Variants in HIBCH observed in about 807,000 individuals in gnomAD.
The protein encoded by HIBCH is 3-hydroxyisobutyryl-CoA hydrolase, mitochondrial.
A neutral mutation model predicts 58.2 loss-of-function variants in HIBCH; 50 were observed. The observed-to-expected ratio is 0.86, with a 90% CI of 0.68 to 1.09. The LOEUF is 1.09. Among genes scored for constraint, HIBCH ranks in the 50% least tolerant of loss-of-function variants. The pLI, the probability that HIBCH is intolerant of heterozygous loss-of-function variation, is 0.00. For missense variants in HIBCH, 450 were observed against 449.7 expected (o/e 1.00, Z -0.01); for synonymous variants, 151 against 146.9 (o/e 1.03, Z -0.20).
intron 10 of HIBCH, 83 bp from the exon 11 acceptor site, chr2:190,245,051 C>G: frequency 1.1e-6 from 1 of 872,814 alleles, no homozygotes; most frequent in South Asian, 1.3e-5. Context: ...CATAGGCTTT[C>G]CCCCACCTCT....
intron 11 of HIBCH, among the ~76,000 whole-genome samples, chr2:190,229,313 C>A (rs1413334795): frequency 1.3e-5 from 2 of 152,072 alleles, no homozygotes; most frequent in Admixed American, 1.3e-4. Context: ...GGATTAAGAG[C>A]CTAATTAAAG....
At chr2:190,233,351 G>A (rs560350363) in intron 11 of HIBCH, among the ~76,000 whole-genome samples, 32 of 152,236 alleles carry the variant, frequency 2.1e-4, no homozygotes, top group Non-Finnish European at 4.0e-4. Flanking sequence ...AAATTCCCAC[G>A]TGTTGTGAGA....
chr2:190,250,249 A>G (rs942039156), intron 8 of HIBCH: 30 of 364,926 alleles, frequency 8.2e-5, no homozygotes, highest in Non-Finnish European at 1.6e-4. Context: ...CCTTTTCCTG[A>G]TAATACTCAC....
intron 11 of HIBCH, among the ~76,000 whole-genome samples, chr2:190,230,283 AAGAG>A (rs1325316942): frequency 2.0e-5 from 3 of 152,174 alleles, no homozygotes; most frequent in Non-Finnish European, 2.9e-5. Flanking sequence ...TGGTGGGTGG[AAGAG>A]AGAGAGAAAA....
chr2:190,265,271 G>T (rs531812153), intron 6 of HIBCH, among the ~76,000 whole-genome samples: 1 of 151,958 alleles, frequency 6.6e-6, no homozygotes, highest in South Asian at 2.1e-4. Context: ...CACTTCAAGA[G>T]GTCTTTCACA....
chr2:190,278,970 G>A (rs1687634322), intron 6 of HIBCH, among the ~76,000 whole-genome samples: 1 of 152,194 alleles, frequency 6.6e-6, no homozygotes, highest in Non-Finnish European at 1.5e-5. Flanking sequence ...TTCTGTTGCT[G>A]TAACTGAGTA....
At chr2:190,192,716 G>A (rs1689775354) in intron 1 of HIBCH, among the ~76,000 whole-genome samples, 1 of 151,998 alleles carries the variant, frequency 6.6e-6, no homozygotes, top group Non-Finnish European at 1.5e-5. Flanking sequence ...CACGTACAAC[G>A]TACACAATAC....
In HIBCH at chr2:190,215,867, A is replaced by C. The variant is rs1264692230; in HGVS notation, c.892-2792T>G. ...GGGAAGGCAGTGTAAGACACTGTGC[A>C]GGTGTGCTGGTGCCCAGAGAAAAAG... On this transcript the variant is annotated intron_variant, in intron 11 of 13. Transcript: ENST00000359678. This position sits in a 1 kb window ranked among gnomAD's most constrained non-coding sequence, Gnocchi z 4.4. 6.6e-6 allele frequency: 1 copy of C among 152,642 alleles called. No individual in the cohort carries two copies. Among genetic ancestry groups the C allele is most frequent in the Non-Finnish European group, 1.5e-5 (1 of 68,414 alleles). 9.5% of individuals were successfully genotyped at this position (152,642 alleles called of 1,614,324 possible).
chr2:190,299,068 CT>C (rs1688189811), intron 2 of HIBCH, among the ~76,000 whole-genome samples: 1 of 152,108 alleles, frequency 6.6e-6, no homozygotes, highest in African/African-American at 2.4e-5. Context: ...TAACACATTC[CT>C]TTATGTAAAG....
chr2:190,284,679 A>C (rs1687787549), intron 6 of HIBCH, among the ~76,000 whole-genome samples: 1 of 152,230 alleles, frequency 6.6e-6, no homozygotes, highest in Non-Finnish European at 1.5e-5. Flanking sequence ...AAATCTGAAG[A>C]AATCTGTATA....
intron 7 of HIBCH, among the ~76,000 whole-genome samples, chr2:190,256,076 T>C (rs1275560021): frequency 6.6e-6 from 1 of 152,010 alleles, no homozygotes; most frequent in Non-Finnish European, 1.5e-5. Context: ...TATAAAACCA[T>C]CAGCTCTTGT....
intron 8 of HIBCH, 58 bp downstream of exon 8, chr2:190,252,104 A>C: frequency 1.3e-6 from 2 of 1,529,424 alleles, no homozygotes; most frequent in South Asian, 1.1e-5. Context: ...GTACCTTCCC[A>C]TGCACTATTT....
chr2:190,255,382 A>T (rs756611748), intron 7 of HIBCH, among the ~76,000 whole-genome samples: 4 of 151,936 alleles, frequency 2.6e-5, no homozygotes, highest in Non-Finnish European at 5.9e-5. Context: ...CATGTAGCTG[A>T]CTCTTGCTAT....
In HIBCH at chr2:190,196,536, T is replaced by TC. The variant is rs397873701; in HGVS notation, c.*18-6540dup. ...AAATGCTGGGTCTTTTTTTTTTTTT[T>TC]CCCTTGATTATGGGTCAGATTTTCC... On this transcript the variant is annotated intron_variant, in intron 1 of 1. Coordinates refer to the HIBCH transcript ENST00000399855. Among the ~76,000 whole-genome samples the TC allele has an allele frequency of 2.4e-3, 361 of 151,436 alleles. 8 individuals are homozygous for TC. The highest frequency in any genetic ancestry group is 1.1e-3 in the African/African-American group (44 of 41,338).
intron 1 of HIBCH, among the ~76,000 whole-genome samples, chr2:190,318,537 G>C (rs1041906616): frequency 6.6e-6 from 1 of 152,140 alleles, no homozygotes. Flanking sequence ...TCTGGAAAAG[G>C]CATCTCAGAT....
chr2:190,310,613 C>T (rs1356257724), intron 2 of HIBCH, 141 bp downstream of exon 2: 1 of 755,180 alleles, frequency 1.3e-6, no homozygotes, highest in South Asian at 1.5e-5. Flanking sequence ...GTGCGTGTGC[C>T]ATGTCTTGAC....
chr2:190,194,391 T>TA (rs945680301), intron 1 of HIBCH, among the ~76,000 whole-genome samples: 5 of 151,456 alleles, frequency 3.3e-5, no homozygotes, highest in African/African-American at 4.9e-5. Context: ...GTGTATTTTT[T>TA]AAAAAAATAA....
chr2:190,314,371 GTATA>G (rs1352354099), intron 1 of HIBCH, among the ~76,000 whole-genome samples: 1 of 78,426 alleles, frequency 1.3e-5, no homozygotes. Context: ...ATATATATAC[GTATA>G]TATGTGTATA....
chr2:190,268,593 GCT>G (rs991085975), intron 6 of HIBCH, among the ~76,000 whole-genome samples: 4 of 152,170 alleles, frequency 2.6e-5, no homozygotes, highest in African/African-American at 9.7e-5. Flanking sequence ...AGCTGACACA[GCT>G]CTGTTTTTGG....
Sources: gnomAD v4.1 joint callset for allele counts (sites outside exome capture counted in the v4.1 genomes callset) on GRCh38, gnomAD v4.1.1 for gene constraint, Gnocchi (gnomAD v3.1) non-coding constraint, MANE v1.5 for transcripts, NCBI Gene and HGNC (gene_info 2026-07-23, HGNC 2026-07-21) for gene names.